PTDSS1: variants seen among roughly 807,000 people sequenced by gnomAD.
PTDSS1 encodes the protein phosphatidylserine synthase 1.
A neutral mutation model predicts 70.5 loss-of-function variants in PTDSS1; 45 were observed. The ratio of observed to expected loss-of-function variants is 0.64; its 90% CI spans 0.50 to 0.82. The LOEUF (loss-of-function observed/expected upper bound fraction) is 0.82. Ranked by LOEUF, PTDSS1 falls within the 40% of genes least tolerant of loss-of-function variation. The pLI is 0.00. For synonymous variants in PTDSS1, 188 were observed against 203.8 expected, an observed-to-expected ratio of 0.92 and a Z score of 0.66; for missense variants, 417 against 586.1, an observed-to-expected ratio of 0.71 and a Z score of 2.98.
intron 4 of PTDSS1, among the ~76,000 whole-genome samples, chr8:96,294,178 T>C (rs1810944569): frequency 6.6e-6 from 1 of 152,224 alleles, no homozygotes; most frequent in Non-Finnish European, 1.5e-5. Context: ...GGAAATCTGA[T>C]GTGTGGTGGG....
intron 5 of PTDSS1, among the ~76,000 whole-genome samples, chr8:96,295,845 C>G (rs199635901): frequency 1.3e-5 from 2 of 152,292 alleles, no homozygotes; most frequent in Admixed American, 6.5e-5. Flanking sequence ...CGTCCACATG[C>G]GCAGTATACT....
intron 2 of PTDSS1, among the ~76,000 whole-genome samples, chr8:96,276,978 G>GCACACACACACACA (rs1157385221): frequency 5.4e-4 from 70 of 129,740 alleles, no homozygotes; most frequent in African/African-American, 1.8e-3. Flanking sequence ...GCGCACGCGC[G>GCACACACACACACA]CGCACACACA....
At chr8:96,273,146 A>G (rs1810589912) in intron 1 of PTDSS1, among the ~76,000 whole-genome samples, 153 bp from the exon 2 acceptor site, 1 of 152,244 alleles carries the variant, frequency 6.6e-6, no homozygotes, top group Non-Finnish European at 1.5e-5. Flanking sequence ...GAATTATTGT[A>G]TGATCTGTAT....
intron 3 of PTDSS1, among the ~76,000 whole-genome samples, chr8:96,285,699 C>G (rs1456371757): frequency 2.0e-5 from 3 of 152,094 alleles, no homozygotes; most frequent in African/African-American, 4.8e-5. Flanking sequence ...AGACCCATTC[C>G]CTATGTGTGC....
At chr8:96,289,803 A>C (rs1810876117) in intron 4 of PTDSS1, among the ~76,000 whole-genome samples, 1 of 152,138 alleles carries the variant, frequency 6.6e-6, no homozygotes, top group Non-Finnish European at 1.5e-5. Flanking sequence ...GTTATCTATA[A>C]ATTTTTTAAG....
chr8:96,296,983 C>G (rs1810985016), intron 5 of PTDSS1, among the ~76,000 whole-genome samples: 1 of 152,206 alleles, frequency 6.6e-6, no homozygotes, highest in Non-Finnish European at 1.5e-5. Context: ...TCACCAGGCC[C>G]TATAGAGTTC....
At chr8:96,284,260 C>A in intron 3 of PTDSS1, 107 bp downstream of exon 3, 1 of 1,072,790 alleles carries the variant, frequency 9.3e-7, no homozygotes, top group South Asian at 1.5e-5. Flanking sequence ...AAACTTTATT[C>A]TAGCTTTTTG....
intron 2 of PTDSS1, among the ~76,000 whole-genome samples, chr8:96,277,492 C>T (rs1297545938): frequency 6.6e-6 from 1 of 152,192 alleles, no homozygotes; most frequent in Non-Finnish European, 1.5e-5. Context: ...ATTTTCCATT[C>T]TCCCCACCCT....
rs961075 is a variant in PTDSS1 at position 96,309,670 on chromosome 8, T to A, written c.1073+48T>A. ...GATTTAAAAACCACTTAAGCCCTAA[T>A]TTTATTTGGGTATTTCTTGACCCTG... On this transcript the variant is annotated intron_variant, in intron 9 of 12. Transcript: ENST00000517309. The A allele has an allele frequency of 0.41, 652,858 of 1,585,452 alleles. 136,996 individuals carry two copies. Among genetic ancestry groups the A allele is most frequent in the African/African-American group, 0.56 (41,946 of 74,258 alleles).
At position 96,262,277 on chromosome 8, in the gene PTDSS1, G is replaced by GT; in HGVS notation, c.179+58_179+59insT. The GT allele has an allele frequency of 6.7e-6, 8 of 1,202,094 alleles. No individual in the cohort carries two copies. The highest frequency in any genetic ancestry group is 2.8e-5 in the East Asian group (1 of 35,432). The allele number at this position is 1,202,094 out of a possible 1,614,324, so 74.5% of individuals were successfully genotyped here. The stretch of plus-strand genomic sequence containing the variant: ...CAAGGGCTAGGGAAGAGGCGGGAGG[G>GT]AGGGTGGCGGGGAGGGGGGCCCGGC... On this transcript the variant is annotated intron_variant, in intron 1 of 12. Coordinates refer to ENST00000517309, the MANE Select transcript of PTDSS1 (RefSeq NM_014754.3). The surrounding 1 kb of genome is among the most constrained non-coding windows in gnomAD (Gnocchi z 4.4).
At chr8:96,303,169 G>A (rs141459132) in intron 6 of PTDSS1, among the ~76,000 whole-genome samples, 1 of 152,074 alleles carries the variant, frequency 6.6e-6, no homozygotes, top group African/African-American at 2.4e-5. Flanking sequence ...TATGCACTTT[G>A]CTATTTTTAC....
chr8:96,313,003 A>G (rs1811234258), intron 9 of PTDSS1, among the ~76,000 whole-genome samples: 2 of 152,060 alleles, frequency 1.3e-5, no homozygotes, highest in African/African-American at 4.8e-5. Flanking sequence ...TAAGGTGGAG[A>G]AATGAGAGGG....
chr8:96,299,999 A>G (rs1811029336), intron 6 of PTDSS1, among the ~76,000 whole-genome samples, 154 bp downstream of exon 6: 1 of 152,216 alleles, frequency 6.6e-6, no homozygotes, highest in Admixed American at 6.5e-5. Context: ...CCTGATTTCA[A>G]GCATTTGTCC....
At chr8:96,319,111 A>G (rs1811337418) in intron 9 of PTDSS1, among the ~76,000 whole-genome samples, 1 of 151,448 alleles carries the variant, frequency 6.6e-6, no homozygotes, top group African/African-American at 2.4e-5. Context: ...ATGGGGTTTT[A>G]CCATCTTGGT....
At chr8:96,296,328 C>T (rs968793595) in intron 5 of PTDSS1, among the ~76,000 whole-genome samples, 3 of 151,874 alleles carry the variant, frequency 2.0e-5, no homozygotes, top group South Asian at 2.1e-4. Flanking sequence ...TTAGTAGAGA[C>T]GGGGTCTCAC....
At chr8:96,304,915 A>G (rs1437805402) in intron 7 of PTDSS1, among the ~76,000 whole-genome samples, 1 of 152,234 alleles carries the variant, frequency 6.6e-6, no homozygotes, top group Non-Finnish European at 1.5e-5. Context: ...TACTCCCAAC[A>G]TAAGGAAAAA....
At chr8:96,284,867 G>A (rs575005599) in intron 3 of PTDSS1, among the ~76,000 whole-genome samples, 88 of 152,300 alleles carry the variant, frequency 5.8e-4, no homozygotes, top group Non-Finnish European at 1.0e-3. Context: ...AGCCTTCAGA[G>A]CTTCTAGGTA....
chr8:96,274,543 T>G (rs1810613069), intron 2 of PTDSS1, among the ~76,000 whole-genome samples: 1 of 152,112 alleles, frequency 6.6e-6, no homozygotes, highest in African/African-American at 2.4e-5. Context: ...GTGACCAACA[T>G]GGAGAAACCC....
Position 96,333,776 on chromosome 8 carries a change from G to A in PTDSS1, c.*210G>A. ...CATCGCCTGGGGGGCCTTTGCCAAC[G>A]TGGGGTCTCTTCTAACTTCAGCACT... On this transcript the variant is annotated 3_prime_UTR_variant, in exon 13 of 13. Transcript: ENST00000517309. The A allele has an allele frequency of 1.4e-6, 1 of 704,170 alleles. No homozygotes were observed. The allele number at this position is 704,170 out of a possible 1,614,324, so 43.6% of individuals were successfully genotyped here.
Sources: gnomAD v4.1 joint callset for allele counts (sites outside exome capture counted in the v4.1 genomes callset) on GRCh38, gnomAD v4.1.1 for gene constraint, Gnocchi (gnomAD v3.1) non-coding constraint, MANE v1.5 for transcripts, NCBI Gene and HGNC (gene_info 2026-07-23, HGNC 2026-07-21) for gene names.